The following CEP170B variants were observed in gnomAD, a reference collection of about 807,000 sequenced individuals.
CEP170B encodes the protein centrosomal protein 170B, also known as centrosomal protein of 170 kDa protein B.
A neutral mutation model predicts 120.6 loss-of-function variants in CEP170B; 55 were observed. The observed-to-expected ratio is 0.46, with a 90% CI of 0.37 to 0.57. CEP170B has a LOEUF of 0.57. Ranked by LOEUF, CEP170B falls within the 20% of genes least tolerant of loss-of-function variation. CEP170B has a pLI of 0.00. For missense variants in CEP170B, 2,212 were observed against 2,253.3 expected (o/e 0.98, Z 0.37); for synonymous variants, 1,033 against 954.5 (o/e 1.08, Z -1.52).
chr14:104,871,116 C>T (rs934195528), intron 2 of CEP170B, among the ~76,000 whole-genome samples: 1 of 152,124 alleles, frequency 6.6e-6, no homozygotes, highest in South Asian at 2.1e-4. Flanking sequence ...CCAGGACCCC[C>T]GCCCTCTCAG....
At position 104,887,570 on chromosome 14, in the gene CEP170B, C is replaced by T. The variant is rs765151837; in HGVS notation, c.3331C>T (p.Arg1111Cys). Reference protein sequence around the residue: ...SSQKGPQALTRSNSLSTPRPT... With the variant: ...SSQKGPQALTCSNSLSTPRPT... ...CCAGAAGGGGCCGCAGGCCTTGACC[C>T]GCTCCAACAGCCTGTCCACCCCTCG... The change falls in exon 12 of 19, where the codon CGC (arginine) becomes TGC (cysteine). Residue 1111 changes from arginine to cysteine, a missense_variant. Arg to Cys is a radical substitution (Grantham distance 180, BLOSUM62 -3). Around this residue, in one of 2 missense-constraint regions of CEP170B, gnomAD observed 2,166 missense variants for 2,166.7 expected, o/e 1.00. Transcript: ENST00000414716. 28 of 1,597,838 alleles carry T rather than the reference C, an allele frequency of 1.8e-5. No individual in the cohort carries two copies. Among genetic ancestry groups the T allele is most frequent in the Non-Finnish European group, 2.2e-5 (26 of 1,173,782 alleles).
chr14:104,869,846 A>G (rs1277349190), intron 2 of CEP170B, among the ~76,000 whole-genome samples: 2 of 152,166 alleles, frequency 1.3e-5, no homozygotes, highest in Non-Finnish European at 2.9e-5. Flanking sequence ...AACCGTGAGC[A>G]ATACATTTGT....
chr14:104,894,080 T>A, intron 16 of CEP170B: 1 of 651,030 alleles, frequency 1.5e-6, no homozygotes, highest in South Asian at 1.9e-5. Context: ...CTAGCCCTCA[T>A]CCCGGGCCCA....
intron 12 of CEP170B, among the ~76,000 whole-genome samples, chr14:104,888,183 C>G (rs1850384816): frequency 6.6e-6 from 1 of 152,228 alleles, no homozygotes; most frequent in South Asian, 2.1e-4. Flanking sequence ...CCGCAGTCCC[C>G]TGGTGTGGGT....
intron 13 of CEP170B, 91 bp downstream of exon 13, chr14:104,889,849 C>T (rs1896701705): frequency 1.4e-6 from 2 of 1,381,926 alleles, no homozygotes; most frequent in Admixed American, 2.1e-5. Flanking sequence ...CTGGGAGCTC[C>T]CTTCTTGAGT....
intron 2 of CEP170B, among the ~76,000 whole-genome samples, chr14:104,875,982 A>T (rs1205578932): frequency 1.3e-5 from 2 of 152,036 alleles, no homozygotes; most frequent in African/African-American, 4.8e-5. Flanking sequence ...AGATGACCAG[A>T]GGGCTCCCAG....
rs375437438 is a variant in CEP170B, at chr14:104,883,204, G to A, written c.747G>A (p.Thr249=). ...AGGTGCCGGCACACGAGATGCCCAC[G>A]AAGGATGCAGAGGCAGGTGGGGGCG... ...PPEVPAHEMP[T]KDAEAGGGGA... Residue 249 remains threonine, a synonymous_variant, in exon 8 of 19, where the codon ACG becomes ACA. Transcript: ENST00000414716. 1.1e-5 allele frequency: 18 copies of A among 1,610,938 alleles called. No homozygotes were observed. The African/African-American group carries it at 1.5e-4, about 13-fold the overall frequency.
chr14:104,868,247 A>G lies in CEP170B; in HGVS notation c.-27-177A>G, dbSNP rs757180538. Among the ~76,000 whole-genome samples, 1 of 152,160 alleles carries G rather than the reference A, an allele frequency of 6.6e-6. No homozygotes were observed. The highest frequency in any genetic ancestry group is 1.5e-5 in the Non-Finnish European group (1 of 68,022). On this transcript the variant is annotated intron_variant, in intron 1 of 18. Coordinates refer to ENST00000414716, the MANE Select transcript of CEP170B (RefSeq NM_001112726.3). The surrounding 1 kb of genome is among the most constrained non-coding windows in gnomAD (Gnocchi z 5.9). ...CCGGTCACGAGGGCAAAGGCCTGGC[A>G]GTGGGACTCGGGACCATACCCAGGG...
Position 104,894,324 on chromosome 14 carries a change from G to C in CEP170B, c.4311G>C (p.Leu1437=), listed in dbSNP as rs776282478. 1.2e-5 allele frequency: 19 copies of C among 1,613,530 alleles called. No individual in the cohort carries two copies. Among genetic ancestry groups the C allele is most frequent in the Non-Finnish European group, 1.5e-5 (18 of 1,179,872 alleles). ...FQNTGRAWED[L]EARINAENEV... is the part of the protein sequence containing the mutation. ...ACACAGGGAGAGCTTGGGAGGACCT[G>C]GAAGCCAGGATCAACGCCGAGAACG... The change falls in exon 17 of 19, where the codon CTG becomes CTC. Residue 1437 remains leucine (L), a synonymous_variant. Transcript: ENST00000414716.
At chr14:104,893,703 G>A (rs1335565677) in intron 15 of CEP170B, 37 bp downstream of exon 15, 1 of 1,585,382 alleles carries the variant, frequency 6.3e-7, no homozygotes, top group Non-Finnish European at 8.6e-7. Context: ...CTGGGTGTGG[G>A]GGGAGCAGGG....
In CEP170B at chr14:104,895,006, C is replaced by T; in HGVS notation, c.*48C>T. Reference sequence around the variant, plus strand: ...CCTCCCTGTGCGTGTGCGTCTCTGCCTTCCGTCCGCCGCACACCCGCCTGC... The same window carrying T: ...CCTCCCTGTGCGTGTGCGTCTCTGCTTTCCGTCCGCCGCACACCCGCCTGC... On this transcript the variant is annotated 3_prime_UTR_variant, in exon 19 of 19. Coordinates refer to ENST00000414716, the MANE Select transcript of CEP170B (RefSeq NM_001112726.3). 2 of 1,463,092 alleles carry T rather than the reference C, an allele frequency of 1.4e-6. No homozygotes were observed. The highest frequency in any genetic ancestry group is 1.4e-5 in the South Asian group (1 of 71,416). The allele number at this position is 1,463,092 out of a possible 1,614,324, so 90.6% of individuals were successfully genotyped here. A position where few individuals can be genotyped will look rare whatever the true frequency, so the allele number is the denominator to read the frequency against.
rs1160408059 is a variant in CEP170B, at chr14:104,889,905, A to AATGGATGG, written c.3878+187_3878+194dup. The stretch of plus-strand genomic sequence containing the variant: ...GGCTGGCTGGCTGGATGGATGGACA[A>AATGGATGG]ATGGATGGATGGATGGATGGATGGA... On this transcript the variant is annotated intron_variant, in intron 13 of 18. Transcript: ENST00000414716. 8.9e-3 allele frequency: 1,224 copies of AATGGATGG among 137,092 alleles called. 14 individuals are homozygous for AATGGATGG. Among genetic ancestry groups the AATGGATGG allele is most frequent in the African/African-American group, 0.014 (288 of 19,994 alleles). 8.5% of individuals were successfully genotyped at this position (137,092 alleles called of 1,614,324 possible).
At chr14:104,875,338 C>T (rs190891558) in intron 2 of CEP170B, among the ~76,000 whole-genome samples, 2 of 152,264 alleles carry the variant, frequency 1.3e-5, no homozygotes, top group African/African-American at 4.8e-5. Flanking sequence ...TAGGTGGTGG[C>T]GAGGGTCACA....
intron 6 of CEP170B, 103 bp from the exon 7 acceptor site, chr14:104,882,625 C>T (rs1483420035): frequency 1.1e-6 from 1 of 896,998 alleles, no homozygotes; most frequent in African/African-American, 1.7e-5. Flanking sequence ...GAGGTGATGC[C>T]AGGGCCTGCC....
At chr14:104,874,827 G>A (rs572781341) in intron 2 of CEP170B, among the ~76,000 whole-genome samples, 63 of 152,110 alleles carry the variant, frequency 4.1e-4, no homozygotes, top group Middle Eastern at 6.8e-3. Context: ...ACTGCTGGGT[G>A]GCAGTGGCAC....
chr14:104,892,469 C>T (rs1375001703), intron 13 of CEP170B, among the ~76,000 whole-genome samples: 1 of 152,040 alleles, frequency 6.6e-6, no homozygotes, highest in East Asian at 1.9e-4. Flanking sequence ...TCTGCCCAGC[C>T]CCACCCTCTG....
At chr14:104,882,322 C>T (rs1354778935) in intron 6 of CEP170B, among the ~76,000 whole-genome samples, 2 of 152,198 alleles carry the variant, frequency 1.3e-5, no homozygotes, top group Non-Finnish European at 2.9e-5. Context: ...GTGGGCTCCC[C>T]CTGGCCTCCT....
At chr14:104,877,840 A>AGCCCCCCCCCCCCCCCC in intron 3 of CEP170B, 45 bp from the exon 4 acceptor site, 1 of 237,900 alleles carries the variant, frequency 4.2e-6, no homozygotes, top group South Asian at 4.9e-5. Context: ...ACAGCCACCC[A>AGCCCCCCCCCCCCCCCC]CCCGCGCAGC....
chr14:104,878,813 A>C (rs1014634519), intron 5 of CEP170B, among the ~76,000 whole-genome samples: 2 of 152,204 alleles, frequency 1.3e-5, no homozygotes, highest in African/African-American at 4.8e-5. Context: ...GCCGGGCTGC[A>C]TGGTCAGCCT....
Sources: allele counts gnomAD v4.1 joint callset (sites outside exome capture counted in the v4.1 genomes callset), GRCh38; gene constraint gnomAD v4.1.1; regional missense constraint gnomAD v4.1.1; non-coding constraint Gnocchi (gnomAD v3.1); transcripts MANE v1.5; gene names NCBI Gene and HGNC (gene_info 2026-07-23, HGNC 2026-07-21).